The following PABIR3 variants were observed in gnomAD, a reference collection of about 807,000 sequenced individuals.
PABIR3 encodes the protein PABIR family member 1.
In PABIR3, 20 loss-of-function variants were observed where a neutral mutation model predicts 23.1. The observed-to-expected ratio is 0.86, with a 90% confidence interval of 0.61 to 1.26. The LOEUF is 1.26. PABIR3 is among the 50% of genes most tolerant of loss of function. The pLI is 0.00. For synonymous variants in PABIR3, 69 were observed against 68.5 expected (o/e 1.01, Z -0.04); for missense variants, 189 against 195.4 (o/e 0.97, Z 0.20).
intron 1 of PABIR3, among the ~76,000 whole-genome samples, chrX:134,800,336 G>A (rs1362757720): frequency 5.5e-5 from 6 of 109,410 alleles, no homozygotes; most frequent in African/African-American, 6.7e-5. Context: ...GGTGGCATGC[G>A]CCTGTAAATC....
chrX:134,815,661 T>C (rs2080933691), intron 3 of PABIR3, among the ~76,000 whole-genome samples: 1 of 110,445 alleles, frequency 9.1e-6, no homozygotes, highest in Admixed American at 9.7e-5. Flanking sequence ...TTGCTGAGTA[T>C]TTTTCTTTTT....
chrX:134,850,358 C>T (rs2082589374), intron 9 of PABIR3, among the ~76,000 whole-genome samples: 1 of 111,650 alleles, frequency 9.0e-6, no homozygotes, highest in African/African-American at 3.3e-5. Flanking sequence ...GTCTTCCTAA[C>T]AACATAACTA....
intron 4 of PABIR3, among the ~76,000 whole-genome samples, chrX:134,838,475 A>G (rs1358760335): frequency 1.9e-5 from 2 of 108,063 alleles, no homozygotes; most frequent in Admixed American, 9.9e-5. Context: ...CACCACGCCC[A>G]GCTAATTTTA....
chrX:134,857,162 A>G (rs1205197121), downstream of PABIR3, among the ~76,000 whole-genome samples: 1 of 112,023 alleles, frequency 8.9e-6, no homozygotes, highest in Non-Finnish European at 1.9e-5. Context: ...AAACAATGGA[A>G]ATTTATTGTT....
At chrX:134,810,491 T>C in intron 2 of PABIR3, 5 of 753,927 alleles carry the variant, frequency 6.6e-6, no homozygotes, top group Non-Finnish European at 7.8e-6. Flanking sequence ...AGAAGTAACA[T>C]AGGAATGATG....
At chrX:134,807,203 A>C (rs2080286209), upstream of PABIR3, 1 of 816,925 alleles carries the variant, frequency 1.2e-6, no homozygotes, top group African/African-American at 2.2e-5. Context: ...GGCGGGACCC[A>C]ACTGATTGTC....
At chrX:134,828,387 G>A (rs1241812504) in intron 3 of PABIR3, among the ~76,000 whole-genome samples, 4 of 111,173 alleles carry the variant, frequency 3.6e-5, no homozygotes, top group East Asian at 2.8e-4. Flanking sequence ...TACCGCGCCC[G>A]GCCTCATTCA....
intron 9 of PABIR3, among the ~76,000 whole-genome samples, chrX:134,852,494 A>G (rs1045487037): frequency 9.1e-6 from 1 of 110,024 alleles, no homozygotes; most frequent in African/African-American, 3.3e-5. Flanking sequence ...AATAATAATA[A>G]TAATATCATC....
At chrX:134,809,253 C>T in intron 2 of PABIR3, 1 of 124,726 alleles carries the variant, frequency 8.0e-6, no homozygotes, top group Non-Finnish European at 1.6e-5. Flanking sequence ...GCAACCTCTG[C>T]CTCCCGGGTT....
chrX:134,821,408 C>T (rs1275068510), intron 3 of PABIR3: 2 of 1,152,989 alleles, frequency 1.7e-6, no homozygotes, highest in African/African-American at 1.8e-5. Flanking sequence ...CCAAATCGCC[C>T]CTTTGCTTTA....
chrX:134,854,365 C>T lies in PABIR3; in HGVS notation c.*148C>T, dbSNP rs2082731621. 1.6e-6 allele frequency: 1 copy of T among 615,843 alleles called. No individual in the cohort carries two copies. Among genetic ancestry groups the T allele is most frequent in the Admixed American group, 5.2e-5 (1 of 19,111 alleles). 50.8% of individuals were successfully genotyped at this position (615,843 alleles called of 1,213,427 possible). The stretch of plus-strand genomic sequence containing the variant: ...CTATTTATCTTTTTTCCTCAATTTC[C>T]TAAAATTCTATTTATCTACAGAACT... On this transcript the variant is annotated 3_prime_UTR_variant, in exon 11 of 11. Transcript: ENST00000645433.
chrX:134,861,755 G>A, the PABIR3 span, among the ~76,000 whole-genome samples: 2 of 110,017 alleles, frequency 1.8e-5, no homozygotes, highest in African/African-American at 6.6e-5. Flanking sequence ...AATAAAATGC[G>A]AATAAGTACA....
chrX:134,857,147 G>A (rs2082754526), downstream of PABIR3, among the ~76,000 whole-genome samples: 1 of 112,242 alleles, frequency 8.9e-6, no homozygotes, highest in Non-Finnish European at 1.9e-5. Context: ...AAAACTGGGT[G>A]GCTTAAACAA....
intron 8 of PABIR3, among the ~76,000 whole-genome samples, chrX:134,848,459 A>G (rs2082512322): frequency 1.8e-5 from 2 of 111,571 alleles, no homozygotes; most frequent in Admixed American, 9.6e-5. Context: ...GACTAAGAAC[A>G]TAAGAAGAAT....
rs1174836921 is a variant in PABIR3 at position 134,828,039 on chromosome X, C to CTATA, written c.190-1186_190-1185insATAT. Among the ~76,000 whole-genome samples the CTATA allele has an allele frequency of 3.4e-3, 252 of 73,281 alleles. 1 individual carries two copies. The highest frequency in any genetic ancestry group is 4.8e-3 in the Non-Finnish European group (183 of 38,146). 63.6% of individuals were successfully genotyped at this position (73,281 alleles called of 115,157 possible). A position where few individuals can be genotyped will look rare whatever the true frequency, so the allele number is the denominator to read the frequency against. On this transcript the variant is annotated intron_variant, in intron 3 of 10. Coordinates refer to ENST00000645433, the MANE Select transcript of PABIR3 (RefSeq NM_001388447.1). ...TCTCTCTCTCTCTCTCTCTCTCTCT[C>CTATA]TCTCTCTCTATATATATATATATAT... is the stretch of plus-strand genomic sequence containing the variant.
chrX:134,796,515 T>G (rs1603098032), upstream of PABIR3: 5 of 179,499 alleles, frequency 2.8e-5, no homozygotes, highest in South Asian at 1.2e-4. Context: ...AAAACAAGGA[T>G]GGAGGGAGGA....
intron 2 of PABIR3, among the ~76,000 whole-genome samples, chrX:134,811,972 T>C (rs906778434): frequency 8.9e-6 from 1 of 112,422 alleles, no homozygotes; most frequent in African/African-American, 3.2e-5. Flanking sequence ...TTCTGGTTTA[T>C]TGAACTTTTA....
intron 3 of PABIR3, chrX:134,822,816 C>A: frequency 5.5e-6 from 1 of 182,924 alleles, no homozygotes; most frequent in Non-Finnish European, 8.5e-6. Flanking sequence ...CTATTAGGTA[C>A]TGGGCTTACT....
chrX:134,825,531 A>T (rs1360947307), intron 3 of PABIR3, among the ~76,000 whole-genome samples: 1 of 112,187 alleles, frequency 8.9e-6, no homozygotes, highest in Admixed American at 9.5e-5. Flanking sequence ...AAGATTTCTG[A>T]CTTTTGTTAG....
Sources: gnomAD v4.1 joint callset for allele counts (sites outside exome capture counted in the v4.1 genomes callset) on GRCh38, gnomAD v4.1.1 for gene constraint, MANE v1.5 for transcripts, NCBI Gene and HGNC (gene_info 2026-07-23, HGNC 2026-07-21) for gene names.